FHIP1A: variants seen among roughly 807,000 people sequenced by gnomAD.
The protein encoded by FHIP1A is FHF complex subunit HOOK interacting protein 1A.
Under a neutral mutation model 88.6 loss-of-function variants are expected in FHIP1A, and 61 were observed. The ratio of observed to expected loss-of-function variants is 0.69; its 90% CI spans 0.56 to 0.85. The LOEUF is 0.85. FHIP1A is among the 40% of genes least tolerant of loss of function. FHIP1A has a pLI of 0.00. For synonymous variants in FHIP1A, 478 were observed against 496.0 expected, an observed-to-expected ratio of 0.96 and a Z score of 0.48; for missense variants, 1,154 against 1,273.5, an observed-to-expected ratio of 0.91 and a Z score of 1.43.
intron 1 of FHIP1A, among the ~76,000 whole-genome samples, chr4:151,426,643 G>C (rs533664005): frequency 1.3e-5 from 2 of 152,272 alleles, no homozygotes; most frequent in East Asian, 3.9e-4. Context: ...ATGAAATCAA[G>C]AAAGGGCCAA....
intron 4 of FHIP1A, among the ~76,000 whole-genome samples, chr4:151,567,626 G>A (rs1055944293): frequency 1.3e-5 from 2 of 152,096 alleles, no homozygotes; most frequent in Admixed American, 1.3e-4. Context: ...TATCTCCAAG[G>A]CGAGGTGGTG....
intron 1 of FHIP1A, among the ~76,000 whole-genome samples, chr4:151,415,288 G>T (rs750472804): frequency 4.0e-5 from 6 of 151,850 alleles, no homozygotes; most frequent in Non-Finnish European, 8.8e-5. Context: ...CCAGGTTCGA[G>T]CAATTCTCCT....
At chr4:151,443,522 C>T (rs541266698) in intron 1 of FHIP1A, among the ~76,000 whole-genome samples, 5 of 152,128 alleles carry the variant, frequency 3.3e-5, no homozygotes, top group Non-Finnish European at 5.9e-5. Flanking sequence ...CCTCATGTTA[C>T]TGGTTTTCCT....
intron 3 of FHIP1A, among the ~76,000 whole-genome samples, chr4:151,557,599 C>A (rs1470237153): frequency 1.3e-5 from 2 of 152,196 alleles, no homozygotes; most frequent in South Asian, 4.1e-4. Flanking sequence ...TACCCACTTG[C>A]TTCTGGAGGC....
At chr4:151,592,774 C>G (rs778672286) in intron 7 of FHIP1A, among the ~76,000 whole-genome samples, 10 of 152,108 alleles carry the variant, frequency 6.6e-5, no homozygotes, top group Non-Finnish European at 1.3e-4. Flanking sequence ...TAATTAGATC[C>G]CATTTATCAA....
intron 3 of FHIP1A, among the ~76,000 whole-genome samples, chr4:151,545,344 C>T (rs148267219): frequency 6.7e-6 from 1 of 148,176 alleles, no homozygotes; most frequent in Non-Finnish European, 1.5e-5. Context: ...CTAAAATTTC[C>T]AAGGCAAAAT....
chr4:151,593,994 C>G (rs926574740), intron 7 of FHIP1A, among the ~76,000 whole-genome samples: 36 of 152,214 alleles, frequency 2.4e-4, no homozygotes, highest in Admixed American at 1.4e-3. Context: ...TTATTGAAGG[C>G]CTTTTCTGCA....
In FHIP1A at chr4:151,657,000, G is replaced by T; in HGVS notation, c.2869+102G>T. The stretch of plus-strand genomic sequence containing the variant: ...ATGCTGCACTGGCTTCTGGATCCTA[G>T]AAGCATTCAGAGATATTTTCATTTT... On this transcript the variant is annotated intron_variant, in intron 13 of 13. Coordinates refer to ENST00000435205, the MANE Select transcript of FHIP1A (RefSeq NM_001109977.3). This position sits in a 1 kb window ranked among gnomAD's most constrained non-coding sequence, Gnocchi z 4.2. 8.6e-7 allele frequency: 1 copy of T among 1,160,070 alleles called. No homozygotes were observed. Among genetic ancestry groups the T allele is most frequent in the Non-Finnish European group, 1.2e-6 (1 of 839,562 alleles). 71.9% of individuals were successfully genotyped at this position (1,160,070 alleles called of 1,614,324 possible).
At chr4:151,552,244 C>T (rs186646817) in intron 3 of FHIP1A, among the ~76,000 whole-genome samples, 3,780 of 152,258 alleles carry the variant, frequency 0.025, 77 homozygotes, top group Non-Finnish European at 0.041. Flanking sequence ...TAAACTAGTT[C>T]AACCATTGTG....
intron 1 of FHIP1A, among the ~76,000 whole-genome samples, chr4:151,431,513 G>A (rs1045377804): frequency 1.3e-5 from 2 of 152,054 alleles, no homozygotes; most frequent in Admixed American, 6.6e-5. Flanking sequence ...GCCATTTCCT[G>A]TGTCAAGTGT....
At chr4:151,435,310 C>T (rs1203956284) in intron 1 of FHIP1A, among the ~76,000 whole-genome samples, 1 of 152,172 alleles carries the variant, frequency 6.6e-6, no homozygotes, top group Non-Finnish European at 1.5e-5. Flanking sequence ...TACGAATCAA[C>T]TCTCTACCTC....
chr4:151,477,535 C>T (rs534115145), intron 2 of FHIP1A, among the ~76,000 whole-genome samples: 1 of 151,986 alleles, frequency 6.6e-6, no homozygotes, highest in South Asian at 2.1e-4. Context: ...TTTAAAAAAC[C>T]TGAGTAGCTT....
intron 9 of FHIP1A, among the ~76,000 whole-genome samples, chr4:151,642,931 A>G (rs563680805): frequency 6.7e-6 from 1 of 148,490 alleles, no homozygotes; most frequent in Non-Finnish European, 1.5e-5. Context: ...TTATTTATAT[A>G]TTATATATAT....
At chr4:151,621,948 T>G (rs1735762607) in intron 7 of FHIP1A, among the ~76,000 whole-genome samples, 1 of 152,188 alleles carries the variant, frequency 6.6e-6, no homozygotes, top group Non-Finnish European at 1.5e-5. Context: ...ATAACTACCC[T>G]GCTAAGGAAG....
intron 9 of FHIP1A, among the ~76,000 whole-genome samples, chr4:151,639,804 G>A (rs1303061282): frequency 6.6e-6 from 1 of 152,118 alleles, no homozygotes; most frequent in Non-Finnish European, 1.5e-5. Flanking sequence ...GGACTACCAG[G>A]GTCCTCCAGC....
intron 3 of FHIP1A, among the ~76,000 whole-genome samples, chr4:151,528,963 C>A (rs534435652): frequency 6.6e-6 from 1 of 152,296 alleles, no homozygotes; most frequent in Non-Finnish European, 1.5e-5. Context: ...CTACCCTCCA[C>A]CTGCCCTCTG....
chr4:151,576,601 T>C lies in FHIP1A; in HGVS notation c.106-849T>C, dbSNP rs181027348. Among the ~76,000 whole-genome samples, 29 of 152,340 alleles carry C rather than the reference T, an allele frequency of 1.9e-4. 1 individual carries two copies. Among genetic ancestry groups the C allele is most frequent in the Middle Eastern group, 3.4e-3 (1 of 294 alleles). ...TATCAGCTCTATTTCCAAAACTTTT[T>C]AATCACTCCAAACTTTAGGAATTTG... On this transcript the variant is annotated intron_variant, in intron 4 of 13. Transcript: ENST00000435205.
intron 3 of FHIP1A, among the ~76,000 whole-genome samples, chr4:151,517,698 G>GATTATAATGGACCTGAAAAATTC (rs1731295356): frequency 2.6e-5 from 4 of 151,966 alleles, no homozygotes; most frequent in Admixed American, 2.0e-4. Context: ...CTGAAAAATT[G>GATTATAATGGACCTGAAAAATTC]CTACCTTCTA....
intron 7 of FHIP1A, among the ~76,000 whole-genome samples, chr4:151,591,956 A>C (rs1417118926): frequency 6.6e-6 from 1 of 152,142 alleles, no homozygotes; most frequent in Non-Finnish European, 1.5e-5. Context: ...TAGTAGAATG[A>C]TTTATAATCC....
Sources: allele counts gnomAD v4.1 joint callset (sites outside exome capture counted in the v4.1 genomes callset), GRCh38; gene constraint gnomAD v4.1.1; non-coding constraint Gnocchi (gnomAD v3.1); transcripts MANE v1.5; gene names NCBI Gene and HGNC (gene_info 2026-07-23, HGNC 2026-07-21).